Variants in TMEM255B observed in about 807,000 individuals in gnomAD.
The protein encoded by TMEM255B is transmembrane protein 255B.
A neutral mutation model predicts 34.5 loss-of-function variants in TMEM255B; 35 were observed. The ratio of observed to expected loss-of-function variants is 1.01; its 90% CI spans 0.77 to 1.34. TMEM255B has a LOEUF of 1.34. Ranked by LOEUF, TMEM255B falls within the 40% of genes most tolerant of loss-of-function variation. TMEM255B has a pLI of 0.00. For synonymous variants in TMEM255B, 206 were observed against 201.2 expected (o/e 1.02, Z -0.20); for missense variants, 432 against 433.2 (o/e 1.00, Z 0.02).
At chr13:113,795,304 C>A in intron 4 of TMEM255B, 67 bp downstream of exon 4, 2 of 1,520,784 alleles carry the variant, frequency 1.3e-6, no homozygotes, top group Non-Finnish European at 9.0e-7. Context: ...GAAAAAAGTA[C>A]AATTTCATTT....
chr13:113,779,086 G>A (rs1394886000), intron 3 of TMEM255B, among the ~76,000 whole-genome samples: 1 of 152,156 alleles, frequency 6.6e-6, no homozygotes, highest in Non-Finnish European at 1.5e-5. Flanking sequence ...GGAGTTTTAT[G>A]GCAGGGTTGG....
rs554131488 is a variant in TMEM255B, at chr13:113,792,133, T to C, written c.253-3015T>C. Among the ~76,000 whole-genome samples the C allele has an allele frequency of 3.3e-5, 5 of 152,388 alleles. No homozygotes were observed. In the South Asian group the frequency reaches 1.0e-3, roughly 32 times the overall value. On this transcript the variant is annotated intron_variant, in intron 3 of 8. Coordinates refer to ENST00000375353, the MANE Select transcript of TMEM255B (RefSeq NM_182614.4). ...AATGTTGCCCTCTGAGCCGTCTGTG[T>C]GTGTTTTTATGTATTTGTTCAAACA...
Position 113,795,168 on chromosome 13 carries a change from T to G in TMEM255B, c.273T>G (p.Phe91Leu). ...RRQMLVAAIV[F>L]ISFGVVAAFC... ...TGCAGCTGGTGGCAGCGATCGTGTT[T>G]ATCAGTTTTGGCGTGGTGGCCGCCT... The change falls in exon 4 of 9, where the codon TTT becomes TTG. Residue 91 changes from phenylalanine (F) to leucine (L), a missense_variant. Transcript: ENST00000375353. 6.2e-7 allele frequency: 1 copy of G among 1,614,000 alleles called. No individual in the cohort carries two copies. The highest frequency in any genetic ancestry group is 1.3e-5 in the African/African-American group (1 of 75,056).
chr13:113,803,588 A>G (rs1227156254), intron 7 of TMEM255B, among the ~76,000 whole-genome samples: 1 of 119,392 alleles, frequency 8.4e-6, no homozygotes, highest in Non-Finnish European at 2.0e-5. Flanking sequence ...TCCTCAGGCC[A>G]CCGCCAGCTC....
chr13:113,816,113 TGTTTGCAGC>T lies in TMEM255B; in HGVS notation c.*4213_*4221del, dbSNP rs1300275503. The T allele has an allele frequency of 2.2e-3, 383 of 170,522 alleles. 5 individuals carry two copies. The highest frequency in any genetic ancestry group is 3.7e-3 in the African/African-American group (142 of 38,810). 10.6% of individuals were successfully genotyped at this position (170,522 alleles called of 1,614,324 possible). ...CGGGTTCTTTTCGGGGAGGCAAGCG[TGTTTGCAGC>T]GTGTTCTGGATGGGGAGAGGTGCAG... On this transcript the variant is annotated 3_prime_UTR_variant, in exon 9 of 9. Transcript: ENST00000375353.
chr13:113,784,672 G>A (rs535931859), intron 3 of TMEM255B, among the ~76,000 whole-genome samples: 11 of 152,354 alleles, frequency 7.2e-5, no homozygotes, highest in African/African-American at 2.6e-4. Context: ...AGCCCACTGG[G>A]GAGTAGCCCC....
rs1566341899 is a variant in TMEM255B, at chr13:113,812,928, T to TGGGTCACAGGTCCCGAGTGGGTCACAGGC, written c.*1025_*1026insGGGTCACAGGTCCCGAGTGGGTCACAGGC. ...TCACAGGCCCCGGGTGAGTCACGGGTCCCGGGTGGGTCACGGGTCCCGGGT... is the reference window on the plus strand; with the variant it reads ...TCACAGGCCCCGGGTGAGTCACGGGTGGGTCACAGGTCCCGAGTGGGTCACAGGCCCCGGGTGGGTCACGGGTCCCGGGT... On this transcript the variant is annotated 3_prime_UTR_variant, in exon 9 of 9. Coordinates refer to ENST00000375353, the MANE Select transcript of TMEM255B (RefSeq NM_182614.4). 9.1e-6 allele frequency: 1 copy of TGGGTCACAGGTCCCGAGTGGGTCACAGGC among 109,448 alleles called. No individual in the cohort carries two copies. Among genetic ancestry groups the TGGGTCACAGGTCCCGAGTGGGTCACAGGC allele is most frequent in the Non-Finnish European group, 1.8e-5 (1 of 54,868 alleles). The allele number at this position is 109,448 out of a possible 1,614,324, so 6.8% of individuals were successfully genotyped here. A position where few individuals can be genotyped will look rare whatever the true frequency, so the allele number is the denominator to read the frequency against.
At chr13:113,801,020 T>A in intron 6 of TMEM255B, 108 bp downstream of exon 6, 1 of 376,900 alleles carries the variant, frequency 2.7e-6, no homozygotes, top group Non-Finnish European at 3.8e-6. Flanking sequence ...GACCCCTATA[T>A]CTACACCTGA....
At chr13:113,801,966 C>T (rs759684215) in intron 7 of TMEM255B, among the ~76,000 whole-genome samples, 154 bp downstream of exon 7, 4 of 152,202 alleles carry the variant, frequency 2.6e-5, no homozygotes, top group Non-Finnish European at 4.4e-5. Flanking sequence ...TGACAGCTGG[C>T]GTGCACCGAC....
chr13:113,778,001 A>G lies in TMEM255B; in HGVS notation c.252+8841A>G, dbSNP rs549367336. 2.6e-5 allele frequency among the ~76,000 whole-genome samples: 4 copies of G among 152,294 alleles called. No individual in the cohort carries two copies. The East Asian group carries it at 5.8e-4, about 22-fold the overall frequency. ...AGGGCTGGCCAGGGTCACAGAGAGG[A>G]GCCCACAGCTGCCTGTGCCAGGGTG... On this transcript the variant is annotated intron_variant, in intron 3 of 8. Coordinates refer to ENST00000375353, the MANE Select transcript of TMEM255B (RefSeq NM_182614.4).
chr13:113,763,638 G>A lies in TMEM255B; in HGVS notation c.47-2477G>A, dbSNP rs180673504. 2.6e-4 allele frequency among the ~76,000 whole-genome samples: 39 copies of A among 152,244 alleles called. 1 individual carries two copies. Among genetic ancestry groups the A allele is most frequent in the South Asian group, 1.0e-3 (5 of 4,826 alleles). ...TTGAAAAAAGACCATAAGATTTTAT[G>A]CCTACTTGTTAATTTAGGTTACCAT... On this transcript the variant is annotated intron_variant, in intron 1 of 8. Coordinates refer to ENST00000375353, the MANE Select transcript of TMEM255B (RefSeq NM_182614.4).
intron 4 of TMEM255B, 36 bp downstream of exon 4, chr13:113,795,273 C>T (rs772873709): frequency 1.0e-5 from 16 of 1,592,666 alleles, no homozygotes; most frequent in East Asian, 2.3e-5. Flanking sequence ...AGTCGCTTTC[C>T]GGGGCTGAAA....
chr13:113,783,299 A>T (rs369178812), intron 3 of TMEM255B, among the ~76,000 whole-genome samples: 251 of 152,262 alleles, frequency 1.6e-3, no homozygotes, highest in African/African-American at 5.8e-3. Flanking sequence ...GCCTGAAGCC[A>T]GTGTCTCCCT....
At chr13:113,759,543 T>A (rs556913411) in intron 1 of TMEM255B, among the ~76,000 whole-genome samples, 5 of 144,142 alleles carry the variant, frequency 3.5e-5, no homozygotes, top group African/African-American at 1.4e-4. Context: ...TCCCTGTCTC[T>A]CTCTCTGTCT....
chr13:113,768,477 T>C (rs12323210), intron 2 of TMEM255B, among the ~76,000 whole-genome samples: 28,873 of 152,188 alleles, frequency 0.19, 3,205 homozygotes, highest in African/African-American at 0.3. Flanking sequence ...AAGGGGGCTC[T>C]GCCGGACCCC....
Position 113,804,889 on chromosome 13 carries a change from C to A in TMEM255B, c.674C>A (p.Pro225His), listed in dbSNP as rs1454631973. The part of the protein sequence containing the change: ...AVLGAFKDMV[P>H]LSQLAYGPAV... ...CCCGTCTCCTCTCCATGGCAGGTGC[C>A]TCTGTCCCAGCTGGCCTATGGCCCA... The change falls in exon 8 of 9, where the codon CCT (proline) becomes CAT (histidine). Residue 225 changes from proline (P) to histidine (H), a missense_variant. Transcript: ENST00000375353. 6.3e-7 allele frequency: 1 copy of A among 1,598,850 alleles called. No individual in the cohort carries two copies. The highest frequency in any genetic ancestry group is 1.3e-5 in the African/African-American group (1 of 74,808).
intron 1 of TMEM255B, among the ~76,000 whole-genome samples, chr13:113,765,499 C>A (rs147724314): frequency 6.6e-6 from 1 of 152,136 alleles, no homozygotes; most frequent in Non-Finnish European, 1.5e-5. Context: ...TGTGCACACA[C>A]ACAAATGTTG....
chr13:113,772,848 C>A (rs1458550211), intron 3 of TMEM255B, among the ~76,000 whole-genome samples: 1 of 152,134 alleles, frequency 6.6e-6, no homozygotes, highest in African/African-American at 2.4e-5. Context: ...AGTCTTCCAG[C>A]CTTGTTCTTT....
rs1566341809 is a variant in TMEM255B at position 113,812,919 on chromosome 13, A to AGTCACGGGTCCCGGGTGG, written c.*1043_*1060dup. ...CCGGGTGAGTCACAGGCCCCGGGTGAGTCACGGGTCCCGGGTGGGTCACGG... is the reference window on the plus strand; with the variant it reads ...CCGGGTGAGTCACAGGCCCCGGGTGAGTCACGGGTCCCGGGTGGGTCACGGGTCCCGGGTGGGTCACGG... On this transcript the variant is annotated 3_prime_UTR_variant, in exon 9 of 9. Coordinates refer to ENST00000375353, the MANE Select transcript of TMEM255B (RefSeq NM_182614.4). 4 of 69,804 alleles carry AGTCACGGGTCCCGGGTGG rather than the reference A, an allele frequency of 5.7e-5. No homozygotes were observed. Among genetic ancestry groups the AGTCACGGGTCCCGGGTGG allele is most frequent in the African/African-American group, 2.1e-4 (3 of 14,132 alleles). The allele number at this position is 69,804 out of a possible 1,614,324, so 4.3% of individuals were successfully genotyped here. A position where few individuals can be genotyped will look rare whatever the true frequency, so the allele number is the denominator to read the frequency against.
Sources: allele counts gnomAD v4.1 joint callset (sites outside exome capture counted in the v4.1 genomes callset), GRCh38; gene constraint gnomAD v4.1.1; transcripts MANE v1.5; gene names NCBI Gene and HGNC (gene_info 2026-07-23, HGNC 2026-07-21).